Variants in EMC1 observed in about 807,000 individuals in gnomAD.
EMC1 encodes the protein ER membrane protein complex subunit 1.
A neutral mutation model predicts 128.8 loss-of-function variants in EMC1; 103 were observed. The ratio of observed to expected loss-of-function variants is 0.80; its 90% CI spans 0.68 to 0.94. The LOEUF is 0.94. EMC1 is among the 40% of genes least tolerant of loss of function. EMC1 has a pLI of 0.00. For missense variants in EMC1, 1,083 were observed against 1,250.6 expected (o/e 0.87, Z 2.02); for synonymous variants, 442 against 490.4 (o/e 0.90, Z 1.30).
intron 12 of EMC1, among the ~76,000 whole-genome samples, chr1:19,236,174 G>C (rs2093561998): frequency 6.6e-6 from 1 of 152,024 alleles, no homozygotes. Flanking sequence ...TTAGGAGCTT[G>C]AGACCAGCCT....
At chr1:19,250,952 T>A (rs1468003079) in intron 1 of EMC1, among the ~76,000 whole-genome samples, 1 of 152,170 alleles carries the variant, frequency 6.6e-6, no homozygotes, top group African/African-American at 2.4e-5. Context: ...AGGGCCAGAC[T>A]AGGTTGATGA....
chr1:19,243,064 C>T (rs907561481), intron 4 of EMC1, among the ~76,000 whole-genome samples: 3 of 152,030 alleles, frequency 2.0e-5, no homozygotes, highest in African/African-American at 7.3e-5. Context: ...GGTGAAACCC[C>T]GTCTCTACTA....
chr1:19,220,639 GC>G (rs2093424410), intron 21 of EMC1, 124 bp downstream of exon 21: 3 of 643,650 alleles, frequency 4.7e-6, no homozygotes, highest in African/African-American at 1.8e-5. Context: ...TTTCAGACTT[GC>G]CCCCTGCTAC....
Position 19,241,085 on chromosome 1 carries a change from G to A in EMC1, c.567C>T (p.Leu189=), listed in dbSNP as rs370342613. The part of the protein sequence containing the change: ...YSYGSGVVWA[L]GVVPFSHVNI... ...TCACATGGCTGAAGGGAACAACTCC[G>A]AGGGCCCACACCACCCCAGAGCCGT... The change falls in exon 6 of 23, where the codon CTC becomes CTT. Residue 189 remains leucine, a synonymous_variant. Transcript: ENST00000477853. The A allele has an allele frequency of 9.9e-6, 16 of 1,613,990 alleles. No individual in the cohort carries two copies. In the African/African-American group the frequency reaches 1.3e-4, roughly 13 times the overall value.
rs1232486554 is a variant in EMC1 at position 19,217,692 on chromosome 1, G to A, written c.*1611C>T. The stretch of plus-strand genomic sequence containing the variant: ...TGCACATATGTATGTAAGACAGTCA[G>A]AATTCCAGCCAGGCTTTCTCAAAAC... On this transcript the variant is annotated 3_prime_UTR_variant, in exon 23 of 23. Coordinates refer to ENST00000477853, the MANE Select transcript of EMC1 (RefSeq NM_015047.3). 6.6e-6 allele frequency: 1 copy of A among 152,166 alleles called. No homozygotes were observed. Among genetic ancestry groups the A allele is most frequent in the Non-Finnish European group, 1.5e-5 (1 of 68,040 alleles). 9.4% of individuals were successfully genotyped at this position (152,166 alleles called of 1,614,324 possible).
At chr1:19,246,565 T>C (rs1444855212) in intron 1 of EMC1, among the ~76,000 whole-genome samples, 1 of 151,894 alleles carries the variant, frequency 6.6e-6, no homozygotes, top group South Asian at 2.1e-4. Context: ...TGCCGAACAC[T>C]TGAGGTCCGG....
chr1:19,245,922 C>T (rs1480331047), intron 1 of EMC1, among the ~76,000 whole-genome samples: 1 of 151,938 alleles, frequency 6.6e-6, no homozygotes, highest in East Asian at 2.0e-4. Context: ...TCACCACGCC[C>T]GACTGAGATC....
rs757316887 is a variant in EMC1, at chr1:19,237,156, A to G, written c.1295T>C (p.Phe432Ser). Residue 432 changes from phenylalanine to serine, a missense_variant, in exon 12 of 23, where the codon TTC becomes TCC. Transcript: ENST00000477853. ...LVQTEDHLLL[F>S]LQQLAGKVVL... ...GGTCTACTTACCCAACTGCTGCAGG[A>G]AAAGTAGCAGATGATCCTCTGTCTG... 6.2e-7 allele frequency: 1 copy of G among 1,613,414 alleles called. No homozygotes were observed. The highest frequency in any genetic ancestry group is 8.5e-7 in the Non-Finnish European group (1 of 1,179,428).
At chr1:19,223,015 A>G in intron 19 of EMC1, 181 bp from the exon 20 acceptor site, 1 of 582,452 alleles carries the variant, frequency 1.7e-6, no homozygotes, top group Non-Finnish European at 3.0e-6. Context: ...TATCTAGGCT[A>G]TCGAAAGTTC....
chr1:19,231,539 T>G (rs2093521900), intron 15 of EMC1, 117 bp from the exon 16 acceptor site: 1 of 1,091,886 alleles, frequency 9.2e-7, no homozygotes, highest in Non-Finnish European at 1.3e-6. Context: ...GTCTTTGCCC[T>G]CTTTGTGGAA....
chr1:19,233,925 G>A (rs2093543501), intron 13 of EMC1, among the ~76,000 whole-genome samples: 1 of 152,172 alleles, frequency 6.6e-6, no homozygotes, highest in Non-Finnish European at 1.5e-5. Flanking sequence ...AAAGGATTTA[G>A]CGTGGTGGCT....
intron 8 of EMC1, 33 bp from the exon 9 acceptor site, chr1:19,239,335 G>A (rs1466589518): frequency 6.3e-7 from 1 of 1,598,938 alleles, no homozygotes; most frequent in Admixed American, 1.7e-5. Context: ...GCTCCTAAAT[G>A]GGACCAGTAC....
intron 17 of EMC1, among the ~76,000 whole-genome samples, chr1:19,230,170 G>A (rs188187550): frequency 1.2e-4 from 19 of 152,224 alleles, no homozygotes; most frequent in Admixed American, 2.6e-4. Flanking sequence ...ATTCCATCAC[G>A]AGTTGGTCAA....
intron 1 of EMC1, among the ~76,000 whole-genome samples, chr1:19,251,020 A>G (rs1229958249): frequency 6.6e-6 from 1 of 152,234 alleles, no homozygotes; most frequent in African/African-American, 2.4e-5. Context: ...TCACTTGCCT[A>G]CAAGACACCA....
intron 18 of EMC1, among the ~76,000 whole-genome samples, chr1:19,226,314 T>C (rs1169466069): frequency 6.6e-6 from 1 of 152,154 alleles, no homozygotes. Context: ...CTATCAGTAC[T>C]ACCACTAGTA....
chr1:19,244,845 T>C, intron 2 of EMC1, 61 bp downstream of exon 2: 1 of 1,595,434 alleles, frequency 6.3e-7, no homozygotes, highest in Admixed American at 1.7e-5. Flanking sequence ...CAGGCAGAGT[T>C]GGCAATGGTA....
chr1:19,222,570 A>T, intron 20 of EMC1, 54 bp downstream of exon 20: 1 of 1,494,152 alleles, frequency 6.7e-7, no homozygotes, highest in Non-Finnish European at 9.3e-7. Context: ...CTCTGTCCTT[A>T]AGTGTGGTTG....
Position 19,238,094 on chromosome 1 carries a change from G to A in EMC1, c.1135C>T (p.Leu379Phe). 1.2e-6 allele frequency: 2 copies of A among 1,614,158 alleles called. No homozygotes were observed. The highest frequency in any genetic ancestry group is 1.7e-6 in the Non-Finnish European group (2 of 1,180,032). ...AGCAGCCGCCGACCTGTCTCCACGA[G>A]GTATAGGTTAATGGTGTAGGTCTGA... ...FNQTYTINLYLVETGRRLLDT... is the reference protein window; with the variant it reads ...FNQTYTINLYFVETGRRLLDT... Residue 379 changes from leucine to phenylalanine, a missense_variant, in exon 11 of 23, where the codon CTC becomes TTC. By Grantham distance (22) the Leu-to-Phe change is conservative. Transcript: ENST00000477853.
At chr1:19,251,211 G>A (rs1387787077) in intron 1 of EMC1, among the ~76,000 whole-genome samples, 6 of 152,176 alleles carry the variant, frequency 3.9e-5, no homozygotes, top group African/African-American at 7.2e-5. Flanking sequence ...AGCTTAGAAT[G>A]ACCCCTAACA....
Sources: allele counts gnomAD v4.1 joint callset (sites outside exome capture counted in the v4.1 genomes callset), GRCh38; gene constraint gnomAD v4.1.1; transcripts MANE v1.5; gene names NCBI Gene and HGNC (gene_info 2026-07-23, HGNC 2026-07-21).